NRG3: variants seen among roughly 807,000 people sequenced by gnomAD.
The protein encoded by NRG3 is neuregulin 3, also known as pro-neuregulin-3, membrane-bound isoform.
Under a neutral mutation model 66.9 loss-of-function variants are expected in NRG3, and 31 were observed. The observed-to-expected ratio is 0.46, with a 90% CI of 0.35 to 0.63. The LOEUF is 0.63. Among genes scored for constraint, NRG3 ranks in the 20% least tolerant of loss-of-function variants. NRG3 has a pLI of 0.00. For synonymous variants in NRG3, 393 were observed against 359.4 expected, an observed-to-expected ratio of 1.09 and a Z score of -1.06; for missense variants, 910 against 878.9, an observed-to-expected ratio of 1.04 and a Z score of -0.45.
rs759605367 is a variant in NRG3, at chr10:82,213,002, C to T, written c.824-145737C>T. On this transcript the variant is annotated intron_variant, in intron 1 of 8. Coordinates refer to ENST00000372141, the MANE Select transcript of NRG3 (RefSeq NM_001010848.4). ...ATTTCTATGGTCTTTATTGCCCAGGCCCTACTTTCGGTTCCCAGGAACAAG... is the reference window on the plus strand; with the variant it reads ...ATTTCTATGGTCTTTATTGCCCAGGTCCTACTTTCGGTTCCCAGGAACAAG... Among the ~76,000 whole-genome samples the T allele has an allele frequency of 3.9e-5, 6 of 152,108 alleles. No homozygotes were observed. In the South Asian group the frequency reaches 8.3e-4, roughly 21 times the overall value.
intron 2 of NRG3, among the ~76,000 whole-genome samples, chr10:82,680,457 T>G (rs975828985): frequency 6.6e-6 from 1 of 152,230 alleles, no homozygotes; most frequent in Non-Finnish European, 1.5e-5. Context: ...AAAATTAAAA[T>G]TTTAATCATG....
intron 2 of NRG3, among the ~76,000 whole-genome samples, chr10:82,468,635 A>G (rs910858236): frequency 6.6e-6 from 1 of 152,224 alleles, no homozygotes. Context: ...GCAGAGAATT[A>G]TGTGAGGAGG....
chr10:82,302,097 C>T (rs1375763602), intron 1 of NRG3, among the ~76,000 whole-genome samples: 1 of 151,038 alleles, frequency 6.6e-6, no homozygotes, highest in Non-Finnish European at 1.5e-5. Context: ...GGTCAAAATA[C>T]TATTTTTATT....
At chr10:82,458,948 G>A (rs2136687241) in intron 2 of NRG3, among the ~76,000 whole-genome samples, 1 of 152,242 alleles carries the variant, frequency 6.6e-6, no homozygotes. Context: ...GGAAACAGAA[G>A]GTCATCAGCC....
chr10:82,106,918 A>G (rs1015834544), intron 1 of NRG3, among the ~76,000 whole-genome samples: 2 of 152,220 alleles, frequency 1.3e-5, no homozygotes, highest in Non-Finnish European at 2.9e-5. Flanking sequence ...CCAAAATGTT[A>G]CACAGTTAGA....
chr10:82,926,176 A>G (rs923700228), intron 4 of NRG3, among the ~76,000 whole-genome samples: 12 of 152,266 alleles, frequency 7.9e-5, no homozygotes, highest in Admixed American at 4.6e-4. Flanking sequence ...TATGCCAAAT[A>G]TATCAAATCC....
chr10:82,123,250 G>A (rs2068209117), intron 1 of NRG3, among the ~76,000 whole-genome samples: 1 of 152,042 alleles, frequency 6.6e-6, no homozygotes, highest in African/African-American at 2.4e-5. Flanking sequence ...AATATCAACA[G>A]ATAAAAATAC....
chr10:82,521,919 C>T (rs1179364816), intron 2 of NRG3, among the ~76,000 whole-genome samples: 1 of 152,124 alleles, frequency 6.6e-6, no homozygotes, highest in East Asian at 1.9e-4. Context: ...AATGCAACTC[C>T]TCATCTGTTC....
chr10:82,366,274 A>G (rs976148703), intron 2 of NRG3, among the ~76,000 whole-genome samples: 1 of 152,220 alleles, frequency 6.6e-6, no homozygotes, highest in African/African-American at 2.4e-5. Flanking sequence ...TCTCTCCTTT[A>G]TGCTCATATT....
At chr10:82,009,110 G>T (rs1458772519) in intron 1 of NRG3, among the ~76,000 whole-genome samples, 1 of 152,160 alleles carries the variant, frequency 6.6e-6, no homozygotes, top group Admixed American at 6.5e-5. Flanking sequence ...TTATTTAAAA[G>T]CCGTATTACT....
intron 2 of NRG3, among the ~76,000 whole-genome samples, chr10:82,616,077 T>A (rs189930741): frequency 6.8e-4 from 103 of 152,304 alleles, no homozygotes; most frequent in African/African-American, 2.4e-3. Flanking sequence ...GACTGCCATG[T>A]GCAAACATAC....
At position 82,534,560 on chromosome 10, in the gene NRG3, C is replaced by T. The variant is rs191694318; in HGVS notation, c.953+175692C>T. On this transcript the variant is annotated intron_variant, in intron 2 of 8. Transcript: ENST00000372141. ...GATTACAGGTGTGAGCCACTGGGCC[C>T]GGCCAGAAAAAATTTTAAAATGCAT... Among the ~76,000 whole-genome samples, 1,131 of 151,980 alleles carry T rather than the reference C, an allele frequency of 7.4e-3. 5 individuals carry two copies. Among genetic ancestry groups the T allele is most frequent in the South Asian group, 0.02 (98 of 4,808 alleles).
intron 1 of NRG3, among the ~76,000 whole-genome samples, chr10:82,043,844 A>G (rs2063147951): frequency 6.6e-6 from 1 of 152,102 alleles, no homozygotes; most frequent in Non-Finnish European, 1.5e-5. Context: ...GATATAAACA[A>G]CAGTTAAGTT....
At position 82,246,224 on chromosome 10, in the gene NRG3, G is replaced by A. The variant is rs200472881; in HGVS notation, c.824-112515G>A. On this transcript the variant is annotated intron_variant, in intron 1 of 8. Transcript: ENST00000372141. Reference sequence around the variant, plus strand: ...TTTATTTTAAAAAGAAAAGACTTGGGGCAGTGACCATCTCCCTTATCTGAA... The same window carrying A: ...TTTATTTTAAAAAGAAAAGACTTGGAGCAGTGACCATCTCCCTTATCTGAA... Among the ~76,000 whole-genome samples the A allele has an allele frequency of 2.0e-5, 3 of 151,876 alleles. No homozygotes were observed. The East Asian group carries it at 5.8e-4, about 29-fold the overall frequency.
At chr10:81,914,857 C>T (rs1258775985) in intron 1 of NRG3, among the ~76,000 whole-genome samples, 5 of 149,942 alleles carry the variant, frequency 3.3e-5, no homozygotes, top group Admixed American at 3.3e-4. Flanking sequence ...CTTGGGTTTT[C>T]CTTATCTGTA....
At chr10:82,885,986 CT>C (rs1842689488) in intron 4 of NRG3, among the ~76,000 whole-genome samples, 1 of 152,278 alleles carries the variant, frequency 6.6e-6, no homozygotes, top group African/African-American at 2.4e-5. Context: ...ATTATCCTGC[CT>C]TAGCCTCCCG....
intron 4 of NRG3, among the ~76,000 whole-genome samples, chr10:82,877,625 G>A (rs1841953957): frequency 1.3e-5 from 2 of 149,232 alleles, no homozygotes; most frequent in Non-Finnish European, 1.5e-5. Context: ...CTGACCTCAG[G>A]TGATCCACGT....
intron 1 of NRG3, among the ~76,000 whole-genome samples, chr10:82,184,994 C>T (rs967195767): frequency 6.6e-6 from 1 of 152,088 alleles, no homozygotes; most frequent in Non-Finnish European, 1.5e-5. Flanking sequence ...GAGCTTTACA[C>T]AGTGCAAGTA....
chr10:82,928,767 A>G (rs1210110634), intron 4 of NRG3, among the ~76,000 whole-genome samples: 2 of 152,212 alleles, frequency 1.3e-5, no homozygotes, highest in African/African-American at 2.4e-5. Flanking sequence ...CTTTATTTAC[A>G]AAAGCAGCTG....
Sources: allele counts gnomAD v4.1 joint callset (sites outside exome capture counted in the v4.1 genomes callset), GRCh38; gene constraint gnomAD v4.1.1; transcripts MANE v1.5; gene names NCBI Gene and HGNC (gene_info 2026-07-23, HGNC 2026-07-21).